MMP26: variants seen among roughly 807,000 people sequenced by gnomAD.
MMP26 encodes the protein matrix metalloproteinase-26.
In MMP26, 33 loss-of-function variants were observed where a neutral mutation model predicts 31.0. That is an observed-to-expected ratio of 1.06 (90% confidence interval 0.81 to 1.42). The LOEUF is 1.42. Among genes scored for constraint, MMP26 ranks in the 40% most tolerant of loss-of-function variants. MMP26 has a pLI of 0.00. For missense variants in MMP26, 347 were observed against 316.1 expected, an observed-to-expected ratio of 1.10 and a Z score of -0.74; for synonymous variants, 122 against 114.9, an observed-to-expected ratio of 1.06 and a Z score of -0.40.
intron 2 of MMP26, among the ~76,000 whole-genome samples, chr11:4,790,197 C>T (rs891885602): frequency 1.3e-5 from 2 of 151,766 alleles, no homozygotes; most frequent in Non-Finnish European, 2.9e-5. Context: ...AAAAATTAGC[C>T]GGGTGTGGTG....
chr11:4,712,661 T>A (rs536146780), intron 1 of MMP26, among the ~76,000 whole-genome samples: 2 of 152,268 alleles, frequency 1.3e-5, no homozygotes, highest in Admixed American at 1.3e-4. Context: ...TTTTGATTCA[T>A]GCTTTAATAA....
At chr11:4,898,506 C>A (rs55680836) in intron 2 of MMP26, among the ~76,000 whole-genome samples, 1 of 152,052 alleles carries the variant, frequency 6.6e-6, no homozygotes, top group Non-Finnish European at 1.5e-5. Context: ...TATTCTTTTA[C>A]TGTCCTGCAG....
chr11:4,982,726 T>C (rs11822916), intron 2 of MMP26, among the ~76,000 whole-genome samples: 7,496 of 152,234 alleles, frequency 0.049, 631 homozygotes, highest in African/African-American at 0.17. Context: ...AATATTTACA[T>C]GACTTTTAAA....
chr11:4,959,146 G>T (rs1846485501), intron 2 of MMP26, among the ~76,000 whole-genome samples: 1 of 149,244 alleles, frequency 6.7e-6, no homozygotes, highest in Non-Finnish European at 1.5e-5. Context: ...GCTGAGGCAG[G>T]AGAACGGCGT....
At chr11:4,804,358 C>T (rs1849234241) in intron 2 of MMP26, 1 of 1,614,038 alleles carries the variant, frequency 6.2e-7, no homozygotes. Context: ...ATGAGAAGAG[C>T]TGTTCCCTGA....
intron 2 of MMP26, among the ~76,000 whole-genome samples, chr11:4,865,807 G>A (rs1011126178): frequency 5.3e-5 from 8 of 152,170 alleles, no homozygotes; most frequent in Middle Eastern, 3.4e-3. Flanking sequence ...ATAAAGAAGC[G>A]CCATCCACAG....
At chr11:4,818,029 G>A (rs1849445343) in intron 2 of MMP26, among the ~76,000 whole-genome samples, 1 of 152,214 alleles carries the variant, frequency 6.6e-6, no homozygotes, top group Admixed American at 6.5e-5. Context: ...AAGTGGAGAG[G>A]CAAGTGCTCA....
At chr11:4,982,895 T>A (rs1456234847) in intron 2 of MMP26, among the ~76,000 whole-genome samples, 2 of 152,202 alleles carry the variant, frequency 1.3e-5, no homozygotes, top group Non-Finnish European at 2.9e-5. Context: ...AGGTCCAGGT[T>A]ACATCACCTC....
At chr11:4,840,901 G>C (rs1406827590) in intron 2 of MMP26, among the ~76,000 whole-genome samples, 1 of 152,158 alleles carries the variant, frequency 6.6e-6, no homozygotes, top group African/African-American at 2.4e-5. Context: ...GAAACTCAAA[G>C]AAATTCAAGA....
intron 2 of MMP26, among the ~76,000 whole-genome samples, chr11:4,811,573 T>C (rs953289586): frequency 2.0e-5 from 3 of 152,194 alleles, no homozygotes; most frequent in Non-Finnish European, 4.4e-5. Context: ...TTTATTTCTT[T>C]TTGTTGTTTA....
intron 1 of MMP26, among the ~76,000 whole-genome samples, chr11:4,745,933 A>G (rs762587044): frequency 6.6e-6 from 1 of 152,146 alleles, no homozygotes; most frequent in Non-Finnish European, 1.5e-5. Flanking sequence ...TCATGGCTTG[A>G]TAGCTAATTT....
At chr11:4,812,649 C>T (rs540981272) in intron 2 of MMP26, among the ~76,000 whole-genome samples, 1 of 152,162 alleles carries the variant, frequency 6.6e-6, no homozygotes, top group Non-Finnish European at 1.5e-5. Context: ...TTATTTCACA[C>T]TCATTAAATC....
At chr11:4,771,590 G>T (rs1252103393) in intron 2 of MMP26, among the ~76,000 whole-genome samples, 1 of 152,090 alleles carries the variant, frequency 6.6e-6, no homozygotes, top group East Asian at 1.9e-4. Context: ...AATCAATTCT[G>T]GGGAGAATTA....
At chr11:4,891,483 T>A (rs370222958) in intron 2 of MMP26, among the ~76,000 whole-genome samples, 2 of 152,094 alleles carry the variant, frequency 1.3e-5, no homozygotes, top group Non-Finnish European at 2.9e-5. Context: ...ATCTCCAACA[T>A]TGGGAATTTT....
chr11:4,784,561 A>T (rs1425298916), intron 2 of MMP26, among the ~76,000 whole-genome samples: 1 of 152,244 alleles, frequency 6.6e-6, no homozygotes, highest in Admixed American at 6.5e-5. Context: ...TGAAGATAAA[A>T]GCTGAGATTA....
chr11:4,878,808 C>T (rs1397948513), intron 2 of MMP26, among the ~76,000 whole-genome samples: 1 of 151,962 alleles, frequency 6.6e-6, no homozygotes, highest in African/African-American at 2.4e-5. Context: ...GTGGTGTTTA[C>T]TTATGCATCT....
chr11:4,960,786 A>G (rs979230397), intron 2 of MMP26, among the ~76,000 whole-genome samples: 5 of 152,170 alleles, frequency 3.3e-5, no homozygotes, highest in African/African-American at 1.2e-4. Flanking sequence ...GAGAAATATA[A>G]AAAGCATAGC....
intron 2 of MMP26, among the ~76,000 whole-genome samples, chr11:4,865,525 A>G (rs1850221790): frequency 6.6e-6 from 1 of 152,130 alleles, no homozygotes; most frequent in Admixed American, 6.6e-5. Flanking sequence ...TTCATTCTTG[A>G]AAACCTTTAC....
intron 2 of MMP26, chr11:4,848,314 A>G (rs1300490462): frequency 6.8e-6 from 11 of 1,614,036 alleles, no homozygotes; most frequent in Non-Finnish European, 7.6e-6. Flanking sequence ...TTGACACTAT[A>G]GAGAATAGGG....
Sources: gnomAD v4.1 joint callset for allele counts (sites outside exome capture counted in the v4.1 genomes callset) on GRCh38, gnomAD v4.1.1 for gene constraint, MANE v1.5 for transcripts, NCBI Gene and HGNC (gene_info 2026-07-23, HGNC 2026-07-21) for gene names.